The following ADAMTS20 variants were observed in gnomAD, a reference collection of about 807,000 sequenced individuals.
The protein encoded by ADAMTS20 is A disintegrin and metalloproteinase with thrombospondin motifs 20.
ADAMTS20 carries 225 observed loss-of-function variants against 260.1 expected under a neutral mutation model. That is an observed-to-expected ratio of 0.87 (90% CI 0.78 to 0.97). The LOEUF (loss-of-function observed/expected upper bound fraction) is 0.97, where lower values mean the gene tolerates loss of function less well. ADAMTS20 is among the 50% of genes least tolerant of loss of function. ADAMTS20 has a pLI of 0.00. For missense variants in ADAMTS20, 2,400 were observed against 2,337.7 expected (o/e 1.03, Z -0.55); for synonymous variants, 802 against 769.5 (o/e 1.04, Z -0.70).
chr12:43,509,214 T>C (rs536722068), intron 3 of ADAMTS20, among the ~76,000 whole-genome samples: 3 of 152,280 alleles, frequency 2.0e-5, no homozygotes, highest in Admixed American at 1.3e-4. Context: ...GCGATGAATA[T>C]ATGTGTGCAT....
chr12:43,550,991 G>A lies in ADAMTS20; in HGVS notation c.371C>T (p.Ser124Leu), dbSNP rs1434150093. ...GCGGTAGAAGCAGTGGCGCAGGTCCGAGGGCCCTGCGTCGCTCTCCCAGGC... is the reference window on the plus strand; with the variant it reads ...GCGGTAGAAGCAGTGGCGCAGGTCCAAGGGCCCTGCGTCGCTCTCCCAGGC... ...RGAWESDAGP[S>L]DLRHCFYRGQ... The change falls in exon 2 of 39, where the codon TCG becomes TTG. Residue 124 changes from serine to leucine, a missense_variant. By Grantham distance (145) the Ser-to-Leu change is moderately radical (BLOSUM62 -2). Coordinates refer to ENST00000389420, the MANE Select transcript of ADAMTS20 (RefSeq NM_025003.5). The A allele has an allele frequency of 6.2e-7, 1 of 1,612,184 alleles. No homozygotes were observed. Among genetic ancestry groups the A allele is most frequent in the South Asian group, 1.1e-5 (1 of 90,958 alleles).
intron 3 of ADAMTS20, among the ~76,000 whole-genome samples, chr12:43,509,333 T>TTGTTATCAATATAAATATTGATAA (rs1228680445): frequency 2.0e-5 from 3 of 152,048 alleles, no homozygotes; most frequent in Non-Finnish European, 2.9e-5. Flanking sequence ...GTTATTGATA[T>TTGTTATCAATATAAATATTGATAA]TGTTATCAAT....
At chr12:43,405,460 T>TAATAAA (rs1940902418) in intron 28 of ADAMTS20, among the ~76,000 whole-genome samples, 3 of 140,884 alleles carry the variant, frequency 2.1e-5, no homozygotes, top group African/African-American at 7.9e-5. Flanking sequence ...ATAATAATAA[T>TAATAAA]AAATTAAATA....
At chr12:43,432,199 A>T (rs1725025708) in intron 21 of ADAMTS20, 105 bp downstream of exon 21, 1 of 1,247,550 alleles carries the variant, frequency 8.0e-7, no homozygotes, top group African/African-American at 1.5e-5. Flanking sequence ...TATTTACAAA[A>T]TGATGAAATA....
chr12:43,387,811 T>C (rs532498021), intron 29 of ADAMTS20, among the ~76,000 whole-genome samples: 1 of 152,314 alleles, frequency 6.6e-6, no homozygotes, highest in East Asian at 1.9e-4. Context: ...TGAACTTCCC[T>C]GTGGCTTTGT....
chr12:43,505,523 A>C (rs150179393), intron 3 of ADAMTS20, among the ~76,000 whole-genome samples: 6 of 152,334 alleles, frequency 3.9e-5, no homozygotes, highest in Non-Finnish European at 7.4e-5. Flanking sequence ...ATCAACACAC[A>C]TATGAAAAGA....
In ADAMTS20 at chr12:43,551,345, C is replaced by T; in HGVS notation, c.92-75G>A. Reference sequence around the variant, plus strand: ...CCAACTCTAAACTTCTTCCACCAAACGTCCCCGCTAAAGGTCCCAGGTCCC... The same window carrying T: ...CCAACTCTAAACTTCTTCCACCAAATGTCCCCGCTAAAGGTCCCAGGTCCC... On this transcript the variant is annotated intron_variant, in intron 1 of 38. Coordinates refer to ENST00000389420, the MANE Select transcript of ADAMTS20 (RefSeq NM_025003.5). This position sits in a 1 kb window ranked among gnomAD's most constrained non-coding sequence, Gnocchi z 4.6. 14 of 1,531,282 alleles carry T rather than the reference C, an allele frequency of 9.1e-6. No homozygotes were observed. Among genetic ancestry groups the T allele is most frequent in the Non-Finnish European group, 1.2e-5 (14 of 1,139,914 alleles). 94.9% of individuals were successfully genotyped at this position (1,531,282 alleles called of 1,614,324 possible).
chr12:43,371,921 T>A (rs73100549), intron 36 of ADAMTS20, among the ~76,000 whole-genome samples: 739 of 152,362 alleles, frequency 4.9e-3, no homozygotes, highest in Non-Finnish European at 7.8e-3. Flanking sequence ...AAGTTGAAGA[T>A]GTTGCTAGGT....
chr12:43,512,427 A>T lies in ADAMTS20; in HGVS notation c.614-10022T>A, dbSNP rs554260634. On this transcript the variant is annotated intron_variant, in intron 3 of 38. Transcript: ENST00000389420. The stretch of plus-strand genomic sequence containing the variant: ...CTGCCTATTGTAATATAACTAATAA[A>T]ATATAAACCTGAAATATATTTATTT... 4.6e-4 allele frequency among the ~76,000 whole-genome samples: 70 copies of T among 151,628 alleles called. 2 individuals are homozygous for T. Among genetic ancestry groups the T allele is most frequent in the African/African-American group, 1.6e-3 (65 of 41,476 alleles).
intron 29 of ADAMTS20, among the ~76,000 whole-genome samples, chr12:43,387,427 C>A (rs1040336238): frequency 5.9e-5 from 9 of 152,156 alleles, no homozygotes; most frequent in African/African-American, 1.2e-4. Flanking sequence ...TGTCTGTTGA[C>A]CCCTGCTGGG....
chr12:43,370,447 A>G (rs1444115342), intron 36 of ADAMTS20, among the ~76,000 whole-genome samples: 1 of 152,156 alleles, frequency 6.6e-6, no homozygotes, highest in Non-Finnish European at 1.5e-5. Flanking sequence ...GCACACCACT[A>G]TTTATTTGTG....
chr12:43,494,426 C>G (rs908522383), intron 4 of ADAMTS20, among the ~76,000 whole-genome samples: 15 of 152,218 alleles, frequency 9.9e-5, no homozygotes, highest in African/African-American at 3.4e-4. Context: ...AAAAGGACTA[C>G]TACCAGAACT....
At chr12:43,401,933 C>A (rs562729489) in intron 28 of ADAMTS20, among the ~76,000 whole-genome samples, 1 of 151,784 alleles carries the variant, frequency 6.6e-6, no homozygotes, top group East Asian at 1.9e-4. Context: ...GTGACACATT[C>A]GCTCAAAAAC....
intron 29 of ADAMTS20, among the ~76,000 whole-genome samples, chr12:43,396,162 C>T (rs368064559): frequency 6.6e-6 from 1 of 151,760 alleles, no homozygotes; most frequent in African/African-American, 2.4e-5. Flanking sequence ...AATGTTTGTT[C>T]CTGTTTAGCA....
chr12:43,515,747 C>T (rs1199959140), intron 3 of ADAMTS20, among the ~76,000 whole-genome samples: 2 of 152,092 alleles, frequency 1.3e-5, no homozygotes, highest in East Asian at 3.9e-4. Context: ...ATTATGGAAT[C>T]AGTTTTATTC....
intron 31 of ADAMTS20, among the ~76,000 whole-genome samples, chr12:43,381,714 A>G (rs1366126281): frequency 3.4e-5 from 5 of 149,154 alleles, no homozygotes; most frequent in African/African-American, 1.2e-4. Flanking sequence ...CTAGGAGGTC[A>G]AGACTTCAGT....
rs77957580 is a variant in ADAMTS20 at position 43,365,324 on chromosome 12, G to T, written c.5538+3966C>A. ...CAAATCAACTTAAAAAATCAAGAGT[G>T]CTGATAAAGTTAATTATGTAGATAA... On this transcript the variant is annotated intron_variant, in intron 37 of 38. Coordinates refer to ENST00000389420, the MANE Select transcript of ADAMTS20 (RefSeq NM_025003.5). 9.1e-3 allele frequency among the ~76,000 whole-genome samples: 1,383 copies of T among 152,062 alleles called. 18 individuals carry two copies. Among genetic ancestry groups the T allele is most frequent in the African/African-American group, 0.031 (1,305 of 41,524 alleles).
chr12:43,431,407 T>C lies in ADAMTS20; in HGVS notation c.3186A>G (p.Ser1062=). 6.2e-7 allele frequency: 1 copy of C among 1,613,936 alleles called. No homozygotes were observed. Among genetic ancestry groups the C allele is most frequent in the Non-Finnish European group, 8.5e-7 (1 of 1,179,844 alleles). Residue 1062 remains serine, a synonymous_variant, in exon 22 of 39, where the codon TCA becomes TCG. Transcript: ENST00000389420. ...GACTCAGAGATTCAGGTTTGGTACT[T>C]GAATTACAGAAGCCATCACTCAAGT... is the stretch of plus-strand genomic sequence containing the variant. ...VDHLSDGFCN[S]STKPESLSPC...
At chr12:43,414,455 T>C (rs1201910749) in intron 28 of ADAMTS20, among the ~76,000 whole-genome samples, 1 of 152,092 alleles carries the variant, frequency 6.6e-6, no homozygotes, top group African/African-American at 2.4e-5. Flanking sequence ...AATACATATA[T>C]TTAACAGGGT....
Sources: allele counts gnomAD v4.1 joint callset (sites outside exome capture counted in the v4.1 genomes callset), GRCh38; gene constraint gnomAD v4.1.1; non-coding constraint Gnocchi (gnomAD v3.1); transcripts MANE v1.5; gene names NCBI Gene and HGNC (gene_info 2026-07-23, HGNC 2026-07-21).